PRKN: variants seen among roughly 807,000 people sequenced by gnomAD.
The protein encoded by PRKN is E3 ubiquitin-protein ligase parkin.
In PRKN, 56 loss-of-function variants were observed where a neutral mutation model predicts 59.5. The observed-to-expected ratio is 0.94, with a 90% CI of 0.76 to 1.18. The LOEUF is 1.18. PRKN is among the 50% of genes most tolerant of loss of function. PRKN has a pLI of 0.00. For synonymous variants in PRKN, 250 were observed against 222.1 expected (o/e 1.13, Z -1.12); for missense variants, 657 against 596.4 (o/e 1.10, Z -1.06).
chr6:162,361,855 T>G (rs1318878328), intron 2 of PRKN, among the ~76,000 whole-genome samples: 1 of 152,140 alleles, frequency 6.6e-6, no homozygotes, highest in Non-Finnish European at 1.5e-5. Context: ...AAGCAAACCT[T>G]GAGGCCATTA....
chr6:162,626,782 C>G (rs996626675), intron 1 of PRKN, among the ~76,000 whole-genome samples: 6 of 149,386 alleles, frequency 4.0e-5, no homozygotes, highest in African/African-American at 1.5e-4. Flanking sequence ...CCACTGCACT[C>G]CAGCCTGGAC....
chr6:162,202,326 G>A (rs368978342), intron 3 of PRKN, among the ~76,000 whole-genome samples: 10 of 151,982 alleles, frequency 6.6e-5, no homozygotes, highest in South Asian at 6.2e-4. Flanking sequence ...TTCATTTCCC[G>A]AATTTACAAA....
intron 1 of PRKN, among the ~76,000 whole-genome samples, chr6:162,496,572 ATC>A (rs944996277): frequency 2.0e-5 from 3 of 152,032 alleles, no homozygotes; most frequent in Non-Finnish European, 2.9e-5. Flanking sequence ...GATGAAACAA[ATC>A]TCTCTCTCTC....
intron 4 of PRKN, among the ~76,000 whole-genome samples, chr6:162,188,615 C>T (rs886556387): frequency 3.3e-5 from 5 of 152,142 alleles, no homozygotes; most frequent in East Asian, 1.9e-4. Flanking sequence ...GTGGCTCCAA[C>T]GCTGTTCTTT....
rs138867958 is a variant in PRKN at position 161,391,070 on chromosome 6, C to T, written c.1084-4193G>A. On this transcript the variant is annotated intron_variant, in intron 9 of 11. Coordinates refer to ENST00000366898, the MANE Select transcript of PRKN (RefSeq NM_004562.3). This position sits in a 1 kb window ranked among gnomAD's most constrained non-coding sequence, Gnocchi z 4.9. ...GACAGTGTTCGGGCCAGTTTGCAAA[C>T]ACTTCCCATGGCATAGCTGTTTCTA... 2.0e-3 allele frequency among the ~76,000 whole-genome samples: 301 copies of T among 152,226 alleles called. 10 individuals carry two copies. The East Asian group carries it at 0.044, about 22-fold the overall frequency.
At chr6:162,232,950 A>G (rs1387601587) in intron 3 of PRKN, among the ~76,000 whole-genome samples, 1 of 152,216 alleles carries the variant, frequency 6.6e-6, no homozygotes, top group East Asian at 1.9e-4. Flanking sequence ...AAGTCATGGT[A>G]AATAATTGAG....
At chr6:162,607,762 G>T (rs1405280372) in intron 1 of PRKN, among the ~76,000 whole-genome samples, 1 of 152,168 alleles carries the variant, frequency 6.6e-6, no homozygotes, top group African/African-American at 2.4e-5. Context: ...TATTTGCTTG[G>T]TATCAGGAAG....
intron 6 of PRKN, among the ~76,000 whole-genome samples, chr6:161,858,583 C>T (rs1164612480): frequency 6.6e-6 from 1 of 152,054 alleles, no homozygotes; most frequent in Non-Finnish European, 1.5e-5. Context: ...CCACCCCCAC[C>T]TTCACCTATT....
At position 161,442,532 on chromosome 6, in the gene PRKN, A is replaced by C. The variant is rs192048050; in HGVS notation, c.1084-55655T>G. ...ACCTTCTCCTTAGTGGGCGAGTACA[A>C]GAAGGCACTGAATAGCGTGCCGTTC... On this transcript the variant is annotated intron_variant, in intron 9 of 11. Transcript: ENST00000366898. This position sits in a 1 kb window ranked among gnomAD's most constrained non-coding sequence, Gnocchi z 4.6. Among the ~76,000 whole-genome samples, 1 of 152,356 alleles carries C rather than the reference A, an allele frequency of 6.6e-6. No homozygotes were observed. The highest frequency in any genetic ancestry group is 1.5e-5 in the Non-Finnish European group (1 of 68,044).
At chr6:161,855,080 C>T (rs528973648) in intron 6 of PRKN, among the ~76,000 whole-genome samples, 1 of 120,926 alleles carries the variant, frequency 8.3e-6, no homozygotes, top group African/African-American at 3.3e-5. Context: ...GAGACTTCAT[C>T]TCAAAAAAAA....
In PRKN at chr6:161,897,829, T is replaced by C. The variant is rs368318552; in HGVS notation, c.734+75473A>G. Among the ~76,000 whole-genome samples the C allele has an allele frequency of 4.5e-3, 678 of 149,514 alleles. 6 individuals carry two copies. The highest frequency in any genetic ancestry group is 0.016 in the African/African-American group (640 of 40,224). On this transcript the variant is annotated intron_variant, in intron 6 of 11. Coordinates refer to ENST00000366898, the MANE Select transcript of PRKN (RefSeq NM_004562.3). ...CTGAAAATACAAAAAGTTCCGGGCG[T>C]AGTGGCGGGCGCCTGTAGTCCCAGC... is the stretch of plus-strand genomic sequence containing the variant.
chr6:162,717,713 T>A (rs546815893), intron 1 of PRKN, among the ~76,000 whole-genome samples: 3 of 152,334 alleles, frequency 2.0e-5, no homozygotes, highest in South Asian at 4.1e-4. Flanking sequence ...AATCTGGCCA[T>A]GCCCCGATAG....
rs543831479 is a variant in PRKN, at chr6:161,799,704, A to G, written c.735-13796T>C. The stretch of plus-strand genomic sequence containing the variant: ...ATAGGTATTAAGCAAACAAGTAAAA[A>G]CTAGCAATGAAAAGTGACAGCAAGG... On this transcript the variant is annotated intron_variant, in intron 6 of 11. Coordinates refer to ENST00000366898, the MANE Select transcript of PRKN (RefSeq NM_004562.3). Among the ~76,000 whole-genome samples, 13 of 152,340 alleles carry G rather than the reference A, an allele frequency of 8.5e-5. No individual in the cohort carries two copies. In the East Asian group the frequency reaches 2.5e-3, roughly 29 times the overall value.
chr6:161,787,741 T>G (rs1790479116), intron 6 of PRKN, among the ~76,000 whole-genome samples: 1 of 151,774 alleles, frequency 6.6e-6, no homozygotes, highest in African/African-American at 2.4e-5. Context: ...GGTCAGGAGA[T>G]GGAGATCATC....
rs1050122930 is a variant in PRKN, at chr6:161,385,770, C to T, written c.1167+1024G>A. ...TTGCTGTCAGTACCTGGTAAGCTCG[C>T]GTTTGAATGTCCCTGAGCTAAAATA... On this transcript the variant is annotated intron_variant, in intron 10 of 11. Transcript: ENST00000366898. The surrounding 1 kb of genome is among the most constrained non-coding windows in gnomAD (Gnocchi z 4.9). 3.3e-5 allele frequency among the ~76,000 whole-genome samples: 5 copies of T among 152,120 alleles called. No individual in the cohort carries two copies. The highest frequency in any genetic ancestry group is 7.4e-5 in the Non-Finnish European group (5 of 68,020).
At chr6:162,001,847 C>CTTT (rs35789599) in intron 5 of PRKN, among the ~76,000 whole-genome samples, 20 of 116,610 alleles carry the variant, frequency 1.7e-4, no homozygotes, top group African/African-American at 6.2e-4. Context: ...TTGCAAATAG[C>CTTT]TTTTTTTTTT....
chr6:161,871,362 G>T (rs1246180754), intron 6 of PRKN, among the ~76,000 whole-genome samples: 1 of 152,008 alleles, frequency 6.6e-6, no homozygotes, highest in Non-Finnish European at 1.5e-5. Context: ...GCCCTACTTT[G>T]TATTAATTTG....
At chr6:161,455,146 C>T (rs1789910270) in intron 9 of PRKN, among the ~76,000 whole-genome samples, 1 of 151,806 alleles carries the variant, frequency 6.6e-6, no homozygotes, top group East Asian at 1.9e-4. Flanking sequence ...TCAAGCAATG[C>T]TCCTGCCTCA....
chr6:162,321,135 A>T (rs1453040351), intron 2 of PRKN, among the ~76,000 whole-genome samples: 1 of 151,918 alleles, frequency 6.6e-6, no homozygotes, highest in African/African-American at 2.4e-5. Context: ...TGTCAGGCTG[A>T]TCAGGAAATA....
Sources: gnomAD v4.1 joint callset for allele counts (sites outside exome capture counted in the v4.1 genomes callset) on GRCh38, gnomAD v4.1.1 for gene constraint, Gnocchi (gnomAD v3.1) non-coding constraint, MANE v1.5 for transcripts, NCBI Gene and HGNC (gene_info 2026-07-23, HGNC 2026-07-21) for gene names.